TENM2: variants seen among roughly 807,000 people sequenced by gnomAD.
TENM2 encodes teneurin-2.
A neutral mutation model predicts 245.2 loss-of-function variants in TENM2; 52 were observed. The observed-to-expected ratio is 0.21, with a 90% CI of 0.17 to 0.27. The LOEUF is 0.27. Ranked by LOEUF, TENM2 falls within the 10% of genes least tolerant of loss-of-function variation. The probability of loss-of-function intolerance (pLI) is 1.00; values close to 1 mark genes in which losing one functional copy is unlikely to be tolerated. For synonymous variants in TENM2, 1,363 were observed against 1,438.9 expected, an observed-to-expected ratio of 0.95 and a Z score of 1.19; for missense variants, 3,046 against 3,666.8, an observed-to-expected ratio of 0.83 and a Z score of 4.37.
At chr5:168,139,568 C>T in intron 12 of TENM2, 2 of 456,336 alleles carry the variant, frequency 4.4e-6, no homozygotes, top group Non-Finnish European at 4.4e-6. Context: ...GGCCTTTCCT[C>T]TGTGAGGGGA....
chr5:168,015,741 G>A (rs530186399), intron 5 of TENM2, among the ~76,000 whole-genome samples: 7 of 152,128 alleles, frequency 4.6e-5, no homozygotes, highest in East Asian at 1.9e-4. Context: ...GTTTCCTCCC[G>A]TTTTTCTCAT....
intron 6 of TENM2, among the ~76,000 whole-genome samples, chr5:168,054,225 A>G (rs1021263377): frequency 1.3e-5 from 2 of 152,386 alleles, no homozygotes; most frequent in East Asian, 1.9e-4. Context: ...TGTGAACACC[A>G]TCACAGAAGC....
intron 1 of TENM2, among the ~76,000 whole-genome samples, chr5:167,310,069 G>A (rs534683704): frequency 6.6e-6 from 1 of 152,180 alleles, no homozygotes; most frequent in South Asian, 2.1e-4. Flanking sequence ...GCGCGTATCT[G>A]TGAATGTAGA....
At chr5:167,485,876 C>A (rs949685285) in intron 2 of TENM2, among the ~76,000 whole-genome samples, 3 of 152,112 alleles carry the variant, frequency 2.0e-5, no homozygotes, top group African/African-American at 4.8e-5. Context: ...AAAACCTATA[C>A]AAACCTAGGT....
intron 2 of TENM2, among the ~76,000 whole-genome samples, chr5:167,791,372 G>A (rs1317688787): frequency 7.2e-6 from 1 of 138,672 alleles, no homozygotes; most frequent in Admixed American, 7.3e-5. Context: ...TCCACAGGAT[G>A]GATAGCAAAG....
chr5:167,174,403 T>C, the TENM2 span, among the ~76,000 whole-genome samples: 2 of 152,178 alleles, frequency 1.3e-5, no homozygotes, highest in Admixed American at 1.3e-4. Flanking sequence ...GTGCCCTTAT[T>C]TCCCACATTG....
intron 24 of TENM2, 41 bp from the exon 27 acceptor site, chr5:168,227,854 A>T (rs1264597702): frequency 7.6e-7 from 1 of 1,319,866 alleles, no homozygotes; most frequent in Non-Finnish European, 1.1e-6. Context: ...TAGAGCGGAT[A>T]ATTTATTTCC....
At chr5:168,154,164 A>AAAAAAAAAAAAAAAAAAAAAAAC (rs1171979738) in intron 12 of TENM2, among the ~76,000 whole-genome samples, 2 of 150,656 alleles carry the variant, frequency 1.3e-5, no homozygotes, top group African/African-American at 4.9e-5. Flanking sequence ...AAAAAAAAAA[A>AAAAAAAAAAAAAAAAAAAAAAAC]AACAGTAAGA....
intron 2 of TENM2, among the ~76,000 whole-genome samples, chr5:167,430,578 G>T (rs1764155125): frequency 6.6e-6 from 1 of 152,176 alleles, no homozygotes; most frequent in East Asian, 1.9e-4. Flanking sequence ...CGCTGGAAGT[G>T]CCATCACAAC....
chr5:167,561,368 A>G (rs1473392837), intron 2 of TENM2, among the ~76,000 whole-genome samples: 1 of 152,226 alleles, frequency 6.6e-6, no homozygotes, highest in East Asian at 1.9e-4. Flanking sequence ...AGGTCATTGT[A>G]TAAATAACAT....
At chr5:167,536,370 A>G (rs1376783270) in intron 2 of TENM2, among the ~76,000 whole-genome samples, 1 of 152,214 alleles carries the variant, frequency 6.6e-6, no homozygotes, top group African/African-American at 2.4e-5. Context: ...TATAAAGATA[A>G]TGATCAGCAA....
intron 1 of TENM2, chr5:167,307,949 TG>T (rs1755780829): frequency 1.3e-5 from 2 of 152,406 alleles, no homozygotes; most frequent in Middle Eastern, 3.4e-3. Context: ...TGTTAAGTGA[TG>T]GGGTGGGCCA....
At chr5:167,778,891 T>C (rs1359379825) in intron 2 of TENM2, among the ~76,000 whole-genome samples, 2 of 152,234 alleles carry the variant, frequency 1.3e-5, no homozygotes, top group Non-Finnish European at 2.9e-5. Flanking sequence ...GGATGCCTTC[T>C]ATAATGGTAA....
chr5:167,220,702 A>G, the TENM2 span, among the ~76,000 whole-genome samples: 550 of 152,298 alleles, frequency 3.6e-3, 4 homozygotes, highest in African/African-American at 0.013. Flanking sequence ...GGCAAATTAC[A>G]TCATCTCTTG....
intron 2 of TENM2, among the ~76,000 whole-genome samples, chr5:167,797,463 T>C (rs1213475445): frequency 6.6e-6 from 1 of 152,152 alleles, no homozygotes; most frequent in East Asian, 1.9e-4. Flanking sequence ...AAACTACCCA[T>C]TATGGACTAA....
In TENM2 at chr5:168,218,879, C is replaced by G; in HGVS notation, c.4988C>G (p.Thr1663Ser). Residue 1663 changes from threonine to serine, a missense_variant, in exon 23 of 29, where the codon ACC (threonine) becomes AGC (serine). By Grantham distance (58) the Thr-to-Ser change is moderately conservative. Transcript: ENST00000518659. This position sits in a 1 kb window ranked among gnomAD's most constrained non-coding sequence, Gnocchi z 5.2. The stretch of plus-strand genomic sequence containing the variant: ...CAGATCATCACCCTCACCGTGGGCA[C>G]CAATGGAGGCCTCAAAGTCGTGTCC... 4.3e-6 allele frequency: 7 copies of G among 1,613,966 alleles called. No homozygotes were observed. Among genetic ancestry groups the G allele is most frequent in the Non-Finnish European group, 5.9e-6 (7 of 1,179,892 alleles).
intron 27 of TENM2, among the ~76,000 whole-genome samples, chr5:168,251,423 C>T (rs1208174710): frequency 6.6e-6 from 1 of 152,038 alleles, no homozygotes; most frequent in Non-Finnish European, 1.5e-5. Context: ...AAATTGAATC[C>T]AGAAACCATT....
intron 2 of TENM2, among the ~76,000 whole-genome samples, chr5:167,530,861 T>A (rs1181400107): frequency 1.3e-5 from 2 of 152,170 alleles, no homozygotes; most frequent in African/African-American, 4.8e-5. Context: ...GGAAGTAATA[T>A]CATTTGAAGC....
chr5:167,331,870 T>C (rs1384949842), intron 1 of TENM2, among the ~76,000 whole-genome samples: 1 of 152,170 alleles, frequency 6.6e-6, no homozygotes, highest in African/African-American at 2.4e-5. Flanking sequence ...TTGTGTAGCC[T>C]ATCACAATGT....
Sources: gnomAD v4.1 joint callset for allele counts (sites outside exome capture counted in the v4.1 genomes callset) on GRCh38, gnomAD v4.1.1 for gene constraint, Gnocchi (gnomAD v3.1) non-coding constraint, MANE v1.5 for transcripts, NCBI Gene and HGNC (gene_info 2026-07-23, HGNC 2026-07-21) for gene names.